HMGB1: variants seen among roughly 807,000 people sequenced by gnomAD.
The protein encoded by HMGB1 is high mobility group protein B1.
For missense variants in HMGB1, 79 were observed against 253.5 expected (o/e 0.31, Z 4.67); for synonymous variants, 81 against 84.0 (o/e 0.96, Z 0.19).
At chr13:30,509,103 A>G (rs1887933279) in intron 1 of HMGB1, among the ~76,000 whole-genome samples, 2 of 152,010 alleles carry the variant, frequency 1.3e-5, no homozygotes, top group Non-Finnish European at 2.9e-5. Context: ...CTGCTAATTA[A>G]AAACATGCTT....
intron 1 of HMGB1, chr13:30,463,959 T>C (rs1366350237): frequency 8.0e-6 from 3 of 375,716 alleles, no homozygotes; most frequent in East Asian, 8.1e-5. Context: ...GTATTCCCTA[T>C]CTATCCGCCC....
At chr13:30,554,849 T>C (rs1312454946) in intron 1 of HMGB1, among the ~76,000 whole-genome samples, 5 of 152,042 alleles carry the variant, frequency 3.3e-5, no homozygotes, top group Admixed American at 2.6e-4. Flanking sequence ...TCTGGAGCTA[T>C]AAATTTTGAA....
chr13:30,486,267 G>T (rs2137436123), intron 1 of HMGB1, among the ~76,000 whole-genome samples: 1 of 152,310 alleles, frequency 6.6e-6, no homozygotes, highest in East Asian at 1.9e-4. Context: ...ACTCCCTCAA[G>T]CTCGAATCAC....
chr13:30,523,894 C>A (rs777593438), intron 1 of HMGB1, among the ~76,000 whole-genome samples: 18 of 152,104 alleles, frequency 1.2e-4, no homozygotes, highest in South Asian at 4.1e-4. Context: ...GAGAGTGCCA[C>A]CATTCCCCCA....
In HMGB1 at chr13:30,577,459, T is replaced by C. The variant is rs1870708548; in HGVS notation, c.-15+39212A>G. Among the ~76,000 whole-genome samples the C allele has an allele frequency of 2.6e-5, 4 of 152,118 alleles. No individual in the cohort carries two copies. In the South Asian group the frequency reaches 8.3e-4, roughly 32 times the overall value. The stretch of plus-strand genomic sequence containing the variant: ...AGAGCTGTGAGAAAATTTCTGTTGC[T>C]TGCACCGCCCAGTCTGTGGTATTTT... On this transcript the variant is annotated intron_variant, in intron 1 of 4. Transcript: ENST00000405805.
chr13:30,585,701 C>T (rs1033696619), intron 1 of HMGB1, among the ~76,000 whole-genome samples: 14 of 152,028 alleles, frequency 9.2e-5, no homozygotes, highest in Admixed American at 3.9e-4. Flanking sequence ...GTTGATTCTG[C>T]AGGGACTTAA....
chr13:30,573,688 C>A (rs1339777418), intron 1 of HMGB1, among the ~76,000 whole-genome samples: 1 of 149,022 alleles, frequency 6.7e-6, no homozygotes. Context: ...TCTCACTGTG[C>A]CACCCAGGTG....
At chr13:30,536,678 C>T (rs1275008301) in intron 1 of HMGB1, among the ~76,000 whole-genome samples, 2 of 152,196 alleles carry the variant, frequency 1.3e-5, no homozygotes, top group African/African-American at 4.8e-5. Context: ...TCATATTATT[C>T]AACAACTGTG....
rs1388096194 is a variant in HMGB1 at position 30,460,692 on chromosome 13, T to C, written c.*665A>G. Reference sequence around the variant, plus strand: ...TTTCTTAACTGATCAAGATTTTGGATGTTCAGTTATGGATGAAAACTATCT... The same window carrying C: ...TTTCTTAACTGATCAAGATTTTGGACGTTCAGTTATGGATGAAAACTATCT... On this transcript the variant is annotated 3_prime_UTR_variant, in exon 5 of 5. Coordinates refer to ENST00000341423, the MANE Select transcript of HMGB1 (RefSeq NM_002128.7). The C allele has an allele frequency of 6.6e-6, 1 of 152,566 alleles. No individual in the cohort carries two copies. The highest frequency in any genetic ancestry group is 2.4e-5 in the African/African-American group (1 of 41,472). 9.5% of individuals were successfully genotyped at this position (152,566 alleles called of 1,614,324 possible).
chr13:30,617,454 AC>A (rs1950579610), exon 1 of HMGB1: 1 of 150,720 alleles, frequency 6.6e-6, no homozygotes, highest in South Asian at 2.1e-4. Flanking sequence ...GGTCCATGGC[AC>A]CCCCGCCGGC....
chr13:30,502,149 G>C lies in HMGB1; in HGVS notation c.-14-38455C>G, dbSNP rs942623071. 5.3e-5 allele frequency among the ~76,000 whole-genome samples: 8 copies of C among 152,288 alleles called. 1 individual carries two copies. Among genetic ancestry groups the C allele is most frequent in the African/African-American group, 1.9e-4 (8 of 41,558 alleles). On this transcript the variant is annotated intron_variant, in intron 1 of 4. Coordinates refer to the HMGB1 transcript ENST00000405805. ...GAATTTTAAAAATTAGAAAGTTTGA[G>C]TCAGCCATACACAAACCAATCAAGT...
intron 1 of HMGB1, among the ~76,000 whole-genome samples, chr13:30,517,221 G>T (rs1258067415): frequency 6.6e-6 from 1 of 152,166 alleles, no homozygotes; most frequent in African/African-American, 2.4e-5. Context: ...AATGGTCTGG[G>T]GTGAGACCCC....
chr13:30,477,860 A>T (rs1300327186), intron 1 of HMGB1, among the ~76,000 whole-genome samples: 1 of 152,164 alleles, frequency 6.6e-6, no homozygotes, highest in African/African-American at 2.4e-5. Flanking sequence ...TGTTTAAAAA[A>T]CACTGAGTGC....
At chr13:30,582,822 T>C (rs1270446945) in intron 1 of HMGB1, among the ~76,000 whole-genome samples, 1 of 152,186 alleles carries the variant, frequency 6.6e-6, no homozygotes, top group East Asian at 1.9e-4. Context: ...TTACATCCCA[T>C]ATGCAATCCA....
intron 1 of HMGB1, among the ~76,000 whole-genome samples, chr13:30,546,993 C>T (rs1869191725): frequency 6.6e-6 from 1 of 152,174 alleles, no homozygotes; most frequent in South Asian, 2.1e-4. Flanking sequence ...CATTCTTTAT[C>T]CCTATCCTAC....
At chr13:30,474,611 AG>A (rs1195906387) in intron 1 of HMGB1, among the ~76,000 whole-genome samples, 2 of 152,102 alleles carry the variant, frequency 1.3e-5, no homozygotes, top group Non-Finnish European at 2.9e-5. Flanking sequence ...TGTTTTAAAA[AG>A]GTAGACATTG....
intron 1 of HMGB1, among the ~76,000 whole-genome samples, chr13:30,474,946 C>CTTTTTT (rs1887040770): frequency 2.5e-5 from 1 of 39,338 alleles, no homozygotes; most frequent in South Asian, 8.2e-4. Context: ...TTTTTTTTTT[C>CTTTTTT]TTTTCTTTTT....
Position 30,463,692 on chromosome 13 carries a change from T to C in HMGB1, c.-12A>G, listed in dbSNP as rs766744044. 4.6e-6 allele frequency: 7 copies of C among 1,532,038 alleles called. No homozygotes were observed. The highest frequency in any genetic ancestry group is 2.0e-5 in the Admixed American group (1 of 49,680). 94.9% of individuals were successfully genotyped at this position (1,532,038 alleles called of 1,614,324 possible). ...TCTCCTTTGCCCATGTTTAGTTATTTTTCTAAAAAATAAAATAAATATTTG... is the reference window on the plus strand; with the variant it reads ...TCTCCTTTGCCCATGTTTAGTTATTCTTCTAAAAAATAAAATAAATATTTG... On this transcript the variant is annotated splice_region_variant and 5_prime_UTR_variant, in exon 2 of 5. Coordinates refer to ENST00000341423, the MANE Select transcript of HMGB1 (RefSeq NM_002128.7).
At chr13:30,485,493 C>T (rs533141172) in intron 1 of HMGB1, among the ~76,000 whole-genome samples, 40 of 152,008 alleles carry the variant, frequency 2.6e-4, no homozygotes, top group Admixed American at 1.3e-4. Context: ...CCGGAAAACA[C>T]GGAAAACACC....
Sources: gnomAD v4.1 joint callset for allele counts (sites outside exome capture counted in the v4.1 genomes callset) on GRCh38, gnomAD v4.1.1 for gene constraint, MANE v1.5 for transcripts, NCBI Gene and HGNC (gene_info 2026-07-23, HGNC 2026-07-21) for gene names.